The following PHACTR3 variants were observed in gnomAD, a reference collection of about 807,000 sequenced individuals.
PHACTR3 encodes protein phosphatase 1, regulatory subunit 123.
A neutral mutation model predicts 66.8 loss-of-function variants in PHACTR3; 16 were observed. That is an observed-to-expected ratio of 0.24 (90% CI 0.16 to 0.36). The LOEUF is 0.36. Among genes scored for constraint, PHACTR3 ranks in the 10% least tolerant of loss-of-function variants. The probability of loss-of-function intolerance (pLI) is 1.00; values close to 1 mark genes in which losing one functional copy is unlikely to be tolerated. For missense variants in PHACTR3, 647 were observed against 719.9 expected, an observed-to-expected ratio of 0.90 and a Z score of 1.16; for synonymous variants, 323 against 292.1, an observed-to-expected ratio of 1.11 and a Z score of -1.08.
chr20:59,782,418 AT>A (rs1328084741), intron 7 of PHACTR3, among the ~76,000 whole-genome samples: 7 of 152,000 alleles, frequency 4.6e-5, no homozygotes, highest in African/African-American at 1.5e-4. Flanking sequence ...TGCCTGGCTA[AT>A]TTTTGTATTT....
intron 1 of PHACTR3, among the ~76,000 whole-genome samples, chr20:59,624,546 C>T (rs1230865681): frequency 1.3e-5 from 2 of 152,120 alleles, no homozygotes; most frequent in Admixed American, 6.6e-5. Flanking sequence ...GGCCTGGTCT[C>T]CCTCCCATGC....
intron 1 of PHACTR3, among the ~76,000 whole-genome samples, chr20:59,699,834 C>T (rs1295012908): frequency 6.6e-6 from 1 of 152,152 alleles, no homozygotes; most frequent in Admixed American, 6.5e-5. Context: ...TGGTGGCAGG[C>T]ACCTGTAATC....
chr20:59,669,641 C>G (rs1269516881), intron 1 of PHACTR3, among the ~76,000 whole-genome samples: 9 of 152,218 alleles, frequency 5.9e-5, no homozygotes, highest in Admixed American at 5.9e-4. Context: ...TTTCCTTTCC[C>G]CCGGCCCCTG....
At chr20:59,754,510 G>A (rs560804658) in intron 3 of PHACTR3, among the ~76,000 whole-genome samples, 1 of 152,314 alleles carries the variant, frequency 6.6e-6, no homozygotes, top group South Asian at 2.1e-4. Context: ...ACCTTGCCAG[G>A]GTTTATTACA....
intron 7 of PHACTR3, among the ~76,000 whole-genome samples, chr20:59,798,507 A>AT (rs1219838344): frequency 6.6e-6 from 1 of 152,172 alleles, no homozygotes; most frequent in Non-Finnish European, 1.5e-5. Flanking sequence ...GTGCATGAAG[A>AT]TTTTTAATTA....
intron 7 of PHACTR3, among the ~76,000 whole-genome samples, chr20:59,790,073 G>C (rs954990221): frequency 6.6e-6 from 1 of 152,112 alleles, no homozygotes; most frequent in Non-Finnish European, 1.5e-5. Flanking sequence ...TAACTCCAAA[G>C]CCTCTTTGCC....
chr20:59,720,738 C>T (rs1034226519), intron 1 of PHACTR3, among the ~76,000 whole-genome samples: 12 of 152,216 alleles, frequency 7.9e-5, no homozygotes, highest in Admixed American at 2.6e-4. Flanking sequence ...AAAGTGGCCA[C>T]TTCTCCTAAA....
intron 1 of PHACTR3, among the ~76,000 whole-genome samples, chr20:59,598,249 C>T (rs983509736): frequency 1.3e-5 from 2 of 152,184 alleles, no homozygotes; most frequent in South Asian, 2.1e-4. Flanking sequence ...GCTGGGGGCA[C>T]GGAAGGAGAA....
intron 1 of PHACTR3, among the ~76,000 whole-genome samples, chr20:59,641,487 CAGAT>C (rs1257496787): frequency 1.3e-5 from 2 of 152,280 alleles, no homozygotes; most frequent in South Asian, 2.1e-4. Context: ...AGCTCGAAGA[CAGAT>C]AGAGAGAATT....
chr20:59,636,998 T>A (rs912586371), intron 1 of PHACTR3, among the ~76,000 whole-genome samples: 1 of 152,248 alleles, frequency 6.6e-6, no homozygotes, highest in Non-Finnish European at 1.5e-5. Flanking sequence ...ACACAGACTC[T>A]GATCCAAGGT....
Position 59,806,052 on chromosome 20 carries a change from C to T in PHACTR3, c.1186C>T (p.Arg396Trp), listed in dbSNP as rs763187430. ...GATGGGGCTTTTAGGAACACTGCCACGGAAATGCAAGAAGGAGCTCCTGGC... is the reference window on the plus strand; with the variant it reads ...GATGGGGCTTTTAGGAACACTGCCATGGAAATGCAAGAAGGAGCTCCTGGC... ...NDSIISGTLP[R>W]KCKKELLAVK... The change falls in exon 8 of 13, where the codon CGG (arginine) becomes TGG (tryptophan). Residue 396 changes from arginine (R) to tryptophan (W), a missense_variant. Transcript: ENST00000371015. 3.7e-6 allele frequency: 6 copies of T among 1,613,792 alleles called. No homozygotes were observed. The highest frequency in any genetic ancestry group is 2.2e-5 in the South Asian group (2 of 91,048).
At chr20:59,686,792 T>C (rs945601162) in intron 1 of PHACTR3, among the ~76,000 whole-genome samples, 17 of 149,500 alleles carry the variant, frequency 1.1e-4, no homozygotes, top group African/African-American at 4.2e-4. Context: ...GTGATGATGA[T>C]GGTGGTGATG....
intron 1 of PHACTR3, among the ~76,000 whole-genome samples, chr20:59,710,555 T>G (rs1056544529): frequency 6.6e-6 from 1 of 152,210 alleles, no homozygotes; most frequent in Non-Finnish European, 1.5e-5. Flanking sequence ...TTTAACCAGC[T>G]TGCTTGCTTG....
intron 1 of PHACTR3, among the ~76,000 whole-genome samples, chr20:59,590,848 G>A (rs547463273): frequency 2.0e-5 from 3 of 152,208 alleles, no homozygotes; most frequent in African/African-American, 7.2e-5. Context: ...GTGTGCACAG[G>A]GGCTCCCTGG....
chr20:59,761,407 C>T (rs1434564506), intron 4 of PHACTR3, among the ~76,000 whole-genome samples: 1 of 152,094 alleles, frequency 6.6e-6, no homozygotes, highest in African/African-American at 2.4e-5. Context: ...CAAGCTGAGA[C>T]CAAGGTTGTG....
chr20:59,642,653 GC>G, intron 1 of PHACTR3, among the ~76,000 whole-genome samples: 1 of 152,264 alleles, frequency 6.6e-6, no homozygotes, highest in Non-Finnish European at 1.5e-5. Flanking sequence ...CTGGCTTGAG[GC>G]TTTTGTTTGC....
chr20:59,604,899 T>A lies in PHACTR3; in HGVS notation c.-116T>A, dbSNP rs1444567729. 2.7e-4 allele frequency: 282 copies of A among 1,058,098 alleles called. No individual in the cohort carries two copies. In the Admixed American group the frequency reaches 3.0e-3, roughly 11 times the overall value. 65.5% of individuals were successfully genotyped at this position (1,058,098 alleles called of 1,614,324 possible). A position where few individuals can be genotyped will look rare whatever the true frequency, so the allele number is the denominator to read the frequency against. On this transcript the variant is annotated 5_prime_UTR_variant, in exon 1 of 13. Coordinates refer to ENST00000371015, the MANE Select transcript of PHACTR3 (RefSeq NM_080672.5). ...GGCCTTTTTTTTTTTTTTTTTTTTT[T>A]AATTTTCTTTTTTAAAAAGACGCCC...
At chr20:59,688,173 TA>T (rs2036968925) in intron 1 of PHACTR3, among the ~76,000 whole-genome samples, 1 of 152,234 alleles carries the variant, frequency 6.6e-6, no homozygotes, top group African/African-American at 2.4e-5. Flanking sequence ...CTTTAATAGA[TA>T]ATTTAGGTGC....
intron 8 of PHACTR3, among the ~76,000 whole-genome samples, chr20:59,827,985 C>G (rs1462620034): frequency 6.6e-6 from 1 of 152,206 alleles, no homozygotes; most frequent in African/African-American, 2.4e-5. Flanking sequence ...GCTGTATTTT[C>G]AGGATGGTCC....
Sources: allele counts gnomAD v4.1 joint callset (sites outside exome capture counted in the v4.1 genomes callset), GRCh38; gene constraint gnomAD v4.1.1; transcripts MANE v1.5; gene names NCBI Gene and HGNC (gene_info 2026-07-23, HGNC 2026-07-21).